The following PCBP3 variants were observed in gnomAD, a reference collection of about 807,000 sequenced individuals.
The protein encoded by PCBP3 is poly(rC)-binding protein 3.
Under a neutral mutation model 52.7 loss-of-function variants are expected in PCBP3, and 25 were observed. That is an observed-to-expected ratio of 0.47 (90% CI 0.35 to 0.66). The LOEUF is 0.66. Ranked by LOEUF, PCBP3 falls within the 30% of genes least tolerant of loss-of-function variation. PCBP3 has a pLI of 0.01. For synonymous variants in PCBP3, 162 were observed against 183.0 expected, an observed-to-expected ratio of 0.89 and a Z score of 0.93; for missense variants, 391 against 490.3, an observed-to-expected ratio of 0.80 and a Z score of 1.91.
At chr21:45,752,687 G>T (rs1051375713) in intron 3 of PCBP3, among the ~76,000 whole-genome samples, 2 of 151,824 alleles carry the variant, frequency 1.3e-5, no homozygotes, top group African/African-American at 4.8e-5. Context: ...TTGTGGACCA[G>T]GTGATCTCTG....
intron 2 of PCBP3, among the ~76,000 whole-genome samples, chr21:45,730,439 A>T (rs542659368): frequency 1.3e-5 from 2 of 152,110 alleles, no homozygotes; most frequent in East Asian, 1.9e-4. Flanking sequence ...ATTGAAATTT[A>T]AAAAAAATTT....
chr21:45,815,819 T>G (rs1603442281), intron 4 of PCBP3, among the ~76,000 whole-genome samples: 2 of 92,976 alleles, frequency 2.2e-5, no homozygotes, highest in African/African-American at 9.5e-5. Context: ...GGTGAGTGAG[T>G]GGTGAGTGGT....
intron 2 of PCBP3, among the ~76,000 whole-genome samples, chr21:45,678,147 C>T (rs1178152523): frequency 6.6e-6 from 1 of 151,950 alleles, no homozygotes; most frequent in Admixed American, 6.6e-5. Context: ...CGAGACCAGC[C>T]TGGCTAACAC....
chr21:45,920,734 C>T (rs1160034341), intron 13 of PCBP3, among the ~76,000 whole-genome samples: 2 of 152,204 alleles, frequency 1.3e-5, no homozygotes, highest in Non-Finnish European at 1.5e-5. Flanking sequence ...GCCTCCCCTC[C>T]ATCCCTCCTG....
At chr21:45,912,099 G>A (rs2096407167) in intron 11 of PCBP3, among the ~76,000 whole-genome samples, 1 of 152,212 alleles carries the variant, frequency 6.6e-6, no homozygotes, top group African/African-American at 2.4e-5. Flanking sequence ...GTCACCCAGT[G>A]CCTCTGCTGC....
chr21:45,698,132 T>A (rs140872332), intron 2 of PCBP3, among the ~76,000 whole-genome samples: 151 of 152,278 alleles, frequency 9.9e-4, no homozygotes, highest in African/African-American at 3.5e-3. Flanking sequence ...AATAAAATAA[T>A]AATAACTCTC....
intron 4 of PCBP3, among the ~76,000 whole-genome samples, chr21:45,819,776 A>G (rs1055775901): frequency 1.3e-5 from 2 of 152,246 alleles, no homozygotes; most frequent in Non-Finnish European, 2.9e-5. Flanking sequence ...GCCTCTGTCC[A>G]GTGCTGTACC....
At chr21:45,782,222 AGAGATGATTTG>A (rs1388952421) in intron 4 of PCBP3, among the ~76,000 whole-genome samples, 2 of 152,236 alleles carry the variant, frequency 1.3e-5, no homozygotes, top group Non-Finnish European at 2.9e-5. Context: ...AAATAGACCC[AGAGATGATTTG>A]TATAATTGCA....
At chr21:45,816,478 C>CTCCCCCTCCTCCTCCCCT (rs2092962378) in intron 4 of PCBP3, among the ~76,000 whole-genome samples, 1 of 60,942 alleles carries the variant, frequency 1.6e-5, no homozygotes, top group Non-Finnish European at 3.3e-5. Flanking sequence ...CCTCTCCCTC[C>CTCCCCCTCCTCCTCCCCT]TCCCCCTCCT....
chr21:45,854,589 G>A (rs2094194149), intron 5 of PCBP3, among the ~76,000 whole-genome samples: 1 of 152,224 alleles, frequency 6.6e-6, no homozygotes, highest in Non-Finnish European at 1.5e-5. Context: ...GTGTGAGAAT[G>A]TCCTTCCTTT....
chr21:45,810,823 A>G (rs542958472), intron 4 of PCBP3, among the ~76,000 whole-genome samples: 1 of 152,190 alleles, frequency 6.6e-6, no homozygotes, highest in African/African-American at 2.4e-5. Context: ...TTTGACAACA[A>G]CTTTCATTTT....
chr21:45,911,000 C>T lies in PCBP3; in HGVS notation c.570C>T (p.Cys190=), dbSNP rs774328273. 3.2e-5 allele frequency: 52 copies of T among 1,611,520 alleles called. No individual in the cohort carries two copies. The East Asian group carries it at 7.1e-4, about 22-fold the overall frequency. ...ISGTPDAIIQ[C]VKQICVVMLE... ...GGACCCCAGATGCCATCATCCAGTG[C>T]GTCAAGCAGATCTGTGTGGTCATGC... Residue 190 remains cysteine, a synonymous_variant, in exon 11 of 18, where the codon TGC becomes TGT. Coordinates refer to ENST00000681687, the MANE Select transcript of PCBP3 (RefSeq NM_001384156.1).
chr21:45,723,765 G>A (rs1051509276), intron 2 of PCBP3, among the ~76,000 whole-genome samples: 1 of 152,216 alleles, frequency 6.6e-6, no homozygotes, highest in Non-Finnish European at 1.5e-5. Context: ...CGAGCTCAGG[G>A]TCTGTGGGAT....
At chr21:45,887,847 C>T (rs1265970628) in intron 5 of PCBP3, among the ~76,000 whole-genome samples, 1 of 152,214 alleles carries the variant, frequency 6.6e-6, no homozygotes, top group Non-Finnish European at 1.5e-5. Context: ...TTCGTGACGA[C>T]CTCACTGTTG....
chr21:45,778,441 C>T (rs2090408553), intron 4 of PCBP3, among the ~76,000 whole-genome samples: 1 of 152,172 alleles, frequency 6.6e-6, no homozygotes, highest in Non-Finnish European at 1.5e-5. Flanking sequence ...AGCAGTGGAC[C>T]AAGCTGGTGG....
chr21:45,898,664 ACAGCC>A, intron 6 of PCBP3, among the ~76,000 whole-genome samples: 1 of 51,052 alleles, frequency 2.0e-5, no homozygotes, highest in African/African-American at 8.2e-5. Flanking sequence ...CACCGTCCTC[ACAGCC>A]TCCCTCTCCC....
chr21:45,877,712 G>C (rs55721907), intron 5 of PCBP3, among the ~76,000 whole-genome samples: 1 of 152,186 alleles, frequency 6.6e-6, no homozygotes, highest in Non-Finnish European at 1.5e-5. Context: ...AGGCTGAGGC[G>C]GAGGAATTGC....
chr21:45,725,492 C>T (rs939974141), intron 2 of PCBP3, among the ~76,000 whole-genome samples: 9 of 152,218 alleles, frequency 5.9e-5, no homozygotes, highest in African/African-American at 2.2e-4. Context: ...TCAGGCCCTG[C>T]CACTTAGGGA....
intron 5 of PCBP3, among the ~76,000 whole-genome samples, chr21:45,851,607 A>G (rs2094006529): frequency 6.7e-6 from 1 of 149,802 alleles, no homozygotes; most frequent in South Asian, 2.2e-4. Context: ...AAAAATAAAT[A>G]TAGATGGATG....
Sources: allele counts gnomAD v4.1 joint callset (sites outside exome capture counted in the v4.1 genomes callset), GRCh38; gene constraint gnomAD v4.1.1; transcripts MANE v1.5; gene names NCBI Gene and HGNC (gene_info 2026-07-23, HGNC 2026-07-21).